CDH12: variants seen among roughly 807,000 people sequenced by gnomAD.
CDH12 encodes cadherin-12.
In CDH12, 41 loss-of-function variants were observed where a neutral mutation model predicts 74.1. The ratio of observed to expected loss-of-function variants is 0.55; its 90% CI spans 0.43 to 0.72. The LOEUF (loss-of-function observed/expected upper bound fraction) is 0.72. Among genes scored for constraint, CDH12 ranks in the 30% least tolerant of loss-of-function variants. CDH12 has a pLI of 0.00. For missense variants in CDH12, 945 were observed against 977.2 expected, an observed-to-expected ratio of 0.97 and a Z score of 0.44; for synonymous variants, 399 against 355.0, an observed-to-expected ratio of 1.12 and a Z score of -1.39.
intron 2 of CDH12, among the ~76,000 whole-genome samples, chr5:22,456,244 A>ATGTGTGTG (rs58290508): frequency 9.5e-5 from 14 of 147,286 alleles, no homozygotes; most frequent in African/African-American, 3.3e-4. Context: ...GTCTATATAT[A>ATGTGTGTG]TGTGTGTGTG....
chr5:22,764,747 G>C (rs1338894450), intron 1 of CDH12, among the ~76,000 whole-genome samples: 1 of 151,902 alleles, frequency 6.6e-6, no homozygotes, highest in Non-Finnish European at 1.5e-5. Flanking sequence ...GCATTCCTGC[G>C]CAAAATGACT....
chr5:22,475,524 C>T (rs1746132615), intron 2 of CDH12, among the ~76,000 whole-genome samples: 1 of 151,810 alleles, frequency 6.6e-6, no homozygotes, highest in African/African-American at 2.4e-5. Context: ...CACCACGATA[C>T]TGAATTTAAC....
At chr5:22,675,238 C>T (rs2126920039) in intron 1 of CDH12, among the ~76,000 whole-genome samples, 1 of 152,218 alleles carries the variant, frequency 6.6e-6, no homozygotes, top group Admixed American at 6.5e-5. Context: ...TCTTGCTTCC[C>T]AGCTGTTCCA....
At chr5:22,509,591 C>T (rs930988540) in intron 1 of CDH12, among the ~76,000 whole-genome samples, 1 of 152,168 alleles carries the variant, frequency 6.6e-6, no homozygotes, top group African/African-American at 2.4e-5. Context: ...CAATTACCAA[C>T]GTTGTTAATG....
At position 22,057,691 on chromosome 5, in the gene CDH12, C is replaced by T. The variant is rs10473568; in HGVS notation, c.231+20755G>A. Among the ~76,000 whole-genome samples the T allele has an allele frequency of 5.8e-3, 878 of 152,162 alleles. 7 individuals are homozygous for T. Among genetic ancestry groups the T allele is most frequent in the African/African-American group, 0.018 (746 of 41,514 alleles). ...CTCTCTATTACTTCCACTTAAACCACGAGAATGGACATTTGCTACTTGAAA... is the reference window on the plus strand; with the variant it reads ...CTCTCTATTACTTCCACTTAAACCATGAGAATGGACATTTGCTACTTGAAA... On this transcript the variant is annotated intron_variant, in intron 5 of 14. Coordinates refer to ENST00000382254, the MANE Select transcript of CDH12 (RefSeq NM_004061.5).
chr5:22,269,408 T>C (rs1327681629), intron 3 of CDH12, among the ~76,000 whole-genome samples: 1 of 152,154 alleles, frequency 6.6e-6, no homozygotes, highest in Non-Finnish European at 1.5e-5. Context: ...TTAATGTCAT[T>C]TTATTCATGT....
chr5:22,510,112 T>C (rs552361044), intron 1 of CDH12, among the ~76,000 whole-genome samples: 2 of 152,122 alleles, frequency 1.3e-5, no homozygotes, highest in South Asian at 2.1e-4. Flanking sequence ...AATAATAGAA[T>C]AATCTGTAAT....
chr5:22,821,911 C>T (rs1315276073), intron 1 of CDH12, among the ~76,000 whole-genome samples: 1 of 151,520 alleles, frequency 6.6e-6, no homozygotes, highest in Non-Finnish European at 1.5e-5. Context: ...CAAAAAAGAG[C>T]CTGCATTGCC....
At chr5:22,096,112 C>G (rs1270019818) in intron 4 of CDH12, among the ~76,000 whole-genome samples, 4 of 151,932 alleles carry the variant, frequency 2.6e-5, no homozygotes, top group African/African-American at 7.3e-5. Flanking sequence ...ATTCCTCCTT[C>G]TCCCTTAGCC....
chr5:22,077,547 A>G (rs1001678952), intron 5 of CDH12, among the ~76,000 whole-genome samples: 25 of 152,106 alleles, frequency 1.6e-4, no homozygotes, highest in African/African-American at 5.6e-4. Context: ...TCAAGCATCA[A>G]TTTTTCTTTA....
intron 1 of CDH12, among the ~76,000 whole-genome samples, chr5:22,729,350 T>C (rs1744317162): frequency 6.6e-6 from 1 of 151,896 alleles, no homozygotes; most frequent in African/African-American, 2.4e-5. Context: ...TCCCTCTTCA[T>C]GCTTCAAATC....
intron 5 of CDH12, among the ~76,000 whole-genome samples, chr5:22,075,719 G>A (rs1329687611): frequency 2.0e-5 from 3 of 152,048 alleles, no homozygotes; most frequent in Non-Finnish European, 4.4e-5. Context: ...TTTTGGGGGA[G>A]TCAAAAGTTT....
intron 2 of CDH12, among the ~76,000 whole-genome samples, chr5:22,487,099 T>C (rs1438125403): frequency 1.3e-5 from 2 of 151,252 alleles, no homozygotes; most frequent in Non-Finnish European, 2.9e-5. Context: ...GCCTACTGGG[T>C]TCAAGCGATT....
chr5:22,078,591 TGCTGTG>T lies in CDH12; in HGVS notation c.80_85del (p.Pro27_Gln28del). On this transcript the variant is annotated inframe_deletion, in exon 5 of 15. Transcript: ENST00000382254. ...TTCTCTTGGCTCTGTGGCTAAAGTC[TGCTGTG>T]GCTGTGGTTGTAGTGGTGTTAGGAG... is the stretch of plus-strand genomic sequence containing the variant. The T allele has an allele frequency of 6.2e-7, 1 of 1,613,962 alleles. No homozygotes were observed. Among genetic ancestry groups the T allele is most frequent in the South Asian group, 1.1e-5 (1 of 91,078 alleles).
intron 1 of CDH12, among the ~76,000 whole-genome samples, chr5:22,709,783 C>T (rs909979380): frequency 1.2e-4 from 18 of 152,186 alleles, no homozygotes; most frequent in African/African-American, 4.3e-4. Flanking sequence ...TTCTGACCAA[C>T]ATTGAGAGCT....
intron 6 of CDH12, among the ~76,000 whole-genome samples, chr5:21,932,405 T>C (rs1388370881): frequency 1.3e-5 from 2 of 152,212 alleles, no homozygotes; most frequent in African/African-American, 2.4e-5. Context: ...TAAATCATTG[T>C]GATTAAAATA....
chr5:22,252,428 C>T (rs191091350), intron 3 of CDH12, among the ~76,000 whole-genome samples: 23 of 151,542 alleles, frequency 1.5e-4, no homozygotes, highest in African/African-American at 3.1e-4. Flanking sequence ...AGGTTGGATT[C>T]GAACACTTGC....
chr5:22,350,508 GAT>G (rs1740315287), intron 3 of CDH12, among the ~76,000 whole-genome samples: 1 of 152,124 alleles, frequency 6.6e-6, no homozygotes, highest in African/African-American at 2.4e-5. Context: ...GATACAATGA[GAT>G]AGTCCAGTGG....
intron 3 of CDH12, among the ~76,000 whole-genome samples, chr5:22,305,074 AT>A (rs1172038464): frequency 3.3e-5 from 5 of 150,314 alleles, no homozygotes; most frequent in South Asian, 2.1e-4. Context: ...AAACAGAATA[AT>A]TTTTTTAAAA....
Sources: gnomAD v4.1 joint callset for allele counts (sites outside exome capture counted in the v4.1 genomes callset) on GRCh38, gnomAD v4.1.1 for gene constraint, MANE v1.5 for transcripts, NCBI Gene and HGNC (gene_info 2026-07-23, HGNC 2026-07-21) for gene names.